The following FHOD3 variants were observed in gnomAD, a reference collection of about 807,000 sequenced individuals.
FHOD3 encodes the protein formin homology 2 domain containing 3.
Under a neutral mutation model 173.0 loss-of-function variants are expected in FHOD3, and 90 were observed. That is an observed-to-expected ratio of 0.52 (90% CI 0.44 to 0.62). The LOEUF is 0.62. FHOD3 is among the 20% of genes least tolerant of loss of function. FHOD3 has a pLI of 0.00. For missense variants in FHOD3, 1,945 were observed against 2,034.7 expected (o/e 0.96, Z 0.85); for synonymous variants, 828 against 823.0 (o/e 1.01, Z -0.10).
intron 18 of FHOD3, among the ~76,000 whole-genome samples, chr18:36,717,322 G>A (rs535144167): frequency 2.4e-4 from 37 of 152,280 alleles, no homozygotes; most frequent in African/African-American, 5.5e-4. Context: ...ACTAGGGACC[G>A]TGATAAGGAG....
chr18:36,406,589 G>A (rs894088496), intron 3 of FHOD3, among the ~76,000 whole-genome samples: 5 of 152,108 alleles, frequency 3.3e-5, no homozygotes, highest in Non-Finnish European at 5.9e-5. Context: ...TCTGCCCCCC[G>A]CCCTGAGCCT....
Position 36,652,609 on chromosome 18 carries a change from G to A in FHOD3, c.1326G>A (p.Arg442=). ...GAASGQSPTG[R]DAAPKSSALP... ...CCTCAGGGCAGAGCCCCACTGGAAG[G>A]GATGCTGCTCCCAAGAGCTCTGCCC... Residue 442 remains arginine, a synonymous_variant, in exon 12 of 29, where the codon AGG becomes AGA. Transcript: ENST00000590592. 1 of 1,534,848 alleles carries A rather than the reference G, an allele frequency of 6.5e-7. No homozygotes were observed. The highest frequency in any genetic ancestry group is 8.7e-7 in the Non-Finnish European group (1 of 1,146,660).
intron 3 of FHOD3, among the ~76,000 whole-genome samples, chr18:36,386,458 A>G (rs1296360500): frequency 3.9e-5 from 6 of 152,208 alleles, no homozygotes; most frequent in Non-Finnish European, 8.8e-5. Flanking sequence ...AGCCGTAAAA[A>G]CAACGAGCAA....
intron 6 of FHOD3, among the ~76,000 whole-genome samples, chr18:36,590,590 C>T (rs919610274): frequency 6.6e-6 from 1 of 152,104 alleles, no homozygotes; most frequent in Non-Finnish European, 1.5e-5. Flanking sequence ...TATTAATTTA[C>T]ATAGTAAAGC....
intron 3 of FHOD3, among the ~76,000 whole-genome samples, chr18:36,447,570 G>A (rs780713703): frequency 2.0e-5 from 3 of 152,198 alleles, no homozygotes; most frequent in Non-Finnish European, 4.4e-5. Context: ...TGTGGACCAT[G>A]GGTTTCTCTT....
At chr18:36,653,437 T>G (rs752725098) in intron 13 of FHOD3, 21 bp downstream of exon 13, 1 of 1,486,794 alleles carries the variant, frequency 6.7e-7, no homozygotes, top group East Asian at 2.5e-5. Flanking sequence ...TTATTTTCTT[T>G]CCCTTTTCTG....
At chr18:36,318,111 G>A (rs1334250859) in intron 1 of FHOD3, among the ~76,000 whole-genome samples, 1 of 150,288 alleles carries the variant, frequency 6.7e-6, no homozygotes, top group Non-Finnish European at 1.5e-5. Flanking sequence ...GTACCATGCT[G>A]TTTTGGTTAC....
At chr18:36,518,555 A>T (rs865971421) in intron 5 of FHOD3, among the ~76,000 whole-genome samples, 3 of 152,346 alleles carry the variant, frequency 2.0e-5, no homozygotes, top group Middle Eastern at 6.8e-3. Flanking sequence ...CTGCAGCGTA[A>T]GCAGACTGGC....
Position 36,759,433 on chromosome 18 carries a change from G to A in FHOD3, c.4449+292G>A, listed in dbSNP as rs144344123. 8.5e-3 allele frequency among the ~76,000 whole-genome samples: 1,298 copies of A among 152,266 alleles called. 12 individuals carry two copies. Among genetic ancestry groups the A allele is most frequent in the Non-Finnish European group, 0.012 (827 of 68,018 alleles). On this transcript the variant is annotated intron_variant, in intron 26 of 28. Coordinates refer to ENST00000590592, the MANE Select transcript of FHOD3 (RefSeq NM_001281740.3). ...GTTTAGCAGGTCTCTCCCTGCTGCT[G>A]GAAAAGTGGACAGAGAATTTTCCTT... is the stretch of plus-strand genomic sequence containing the variant.
In FHOD3 at chr18:36,602,774, T is replaced by C. The variant is rs749914690; in HGVS notation, c.813+6T>C. 2 of 1,609,478 alleles carry C rather than the reference T, an allele frequency of 1.2e-6. No individual in the cohort carries two copies. Among genetic ancestry groups the C allele is most frequent in the Non-Finnish European group, 1.7e-6 (2 of 1,175,720 alleles). On this transcript the variant is annotated splice_donor_region_variant and intron_variant, in intron 8 of 28. Transcript: ENST00000590592. ...CAATGACTTTGGTGAACAAGGTTGG[T>C]TGACTATGTTATGGGTTGAATTGCG...
intron 6 of FHOD3, among the ~76,000 whole-genome samples, chr18:36,580,963 A>G (rs1040201993): frequency 2.6e-5 from 4 of 152,244 alleles, no homozygotes; most frequent in Non-Finnish European, 5.9e-5. Flanking sequence ...GAGCAGAAAC[A>G]TCTTGTCACT....
At chr18:36,450,303 G>A (rs1452300430) in intron 3 of FHOD3, among the ~76,000 whole-genome samples, 1 of 152,160 alleles carries the variant, frequency 6.6e-6, no homozygotes, top group African/African-American at 2.4e-5. Flanking sequence ...GAGAGGGAAG[G>A]CAGCCAGCGG....
At chr18:36,541,792 A>G (rs1294191665) in intron 5 of FHOD3, among the ~76,000 whole-genome samples, 1 of 152,168 alleles carries the variant, frequency 6.6e-6, no homozygotes, top group Non-Finnish European at 1.5e-5. Context: ...ATGCTTCTCT[A>G]TGGGGCAGAA....
At chr18:36,404,209 G>A (rs952309163) in intron 3 of FHOD3, among the ~76,000 whole-genome samples, 6 of 152,174 alleles carry the variant, frequency 3.9e-5, no homozygotes, top group African/African-American at 1.4e-4. Context: ...CAGTCTACAA[G>A]CTTTTCTGGA....
At chr18:36,747,158 A>G in intron 24 of FHOD3, 23 bp downstream of exon 24, 2 of 1,569,796 alleles carry the variant, frequency 1.3e-6, no homozygotes, top group African/African-American at 2.7e-5. Context: ...AGGAACTTAT[A>G]GAAATATCAG....
chr18:36,498,815 GCAGT>G (rs1290928606), intron 3 of FHOD3, among the ~76,000 whole-genome samples: 2 of 152,046 alleles, frequency 1.3e-5, no homozygotes, highest in South Asian at 2.1e-4. Context: ...CAAAATATTA[GCAGT>G]CATTCTCAGC....
chr18:36,488,890 C>T (rs933727874), intron 3 of FHOD3, among the ~76,000 whole-genome samples: 2 of 152,040 alleles, frequency 1.3e-5, no homozygotes, highest in African/African-American at 2.4e-5. Context: ...ACAGCTGGTG[C>T]CATAGATGAA....
chr18:36,683,119 C>T (rs1055018899), intron 15 of FHOD3, among the ~76,000 whole-genome samples: 3 of 152,126 alleles, frequency 2.0e-5, no homozygotes, highest in Admixed American at 6.5e-5. Flanking sequence ...TTCTACCAAA[C>T]GATATTTGGA....
At chr18:36,708,886 G>T (rs1655229181) in intron 17 of FHOD3, among the ~76,000 whole-genome samples, 1 of 152,000 alleles carries the variant, frequency 6.6e-6, no homozygotes, top group South Asian at 2.1e-4. Flanking sequence ...ATATCGTAAG[G>T]TCACTGACTA....
Sources: gnomAD v4.1 joint callset for allele counts (sites outside exome capture counted in the v4.1 genomes callset) on GRCh38, gnomAD v4.1.1 for gene constraint, MANE v1.5 for transcripts, NCBI Gene and HGNC (gene_info 2026-07-23, HGNC 2026-07-21) for gene names.